The following KPNA5 variants were observed in gnomAD, a reference collection of about 807,000 sequenced individuals.
KPNA5 encodes the protein karyopherin subunit alpha 5.
A neutral mutation model predicts 71.3 loss-of-function variants in KPNA5; 46 were observed. That is an observed-to-expected ratio of 0.65 (90% CI 0.51 to 0.83). The LOEUF (loss-of-function observed/expected upper bound fraction) is 0.83, where lower values mean the gene tolerates loss of function less well. Ranked by LOEUF, KPNA5 falls within the 40% of genes least tolerant of loss-of-function variation. KPNA5 has a pLI of 0.00. For missense variants in KPNA5, 547 were observed against 628.3 expected (o/e 0.87, Z 1.38); for synonymous variants, 207 against 201.4 (o/e 1.03, Z -0.24).
At chr6:116,683,831 T>G (rs1333752457) in intron 1 of KPNA5, among the ~76,000 whole-genome samples, 14 of 150,080 alleles carry the variant, frequency 9.3e-5, no homozygotes, top group Non-Finnish European at 1.8e-4. Context: ...TCTCCTGACC[T>G]TGTGATCCAC....
Position 116,724,383 on chromosome 6 carries a change from C to T in KPNA5, c.999+8C>T. The T allele has an allele frequency of 3.1e-6, 5 of 1,589,412 alleles. No homozygotes were observed. The highest frequency in any genetic ancestry group is 4.3e-6 in the Non-Finnish European group (5 of 1,158,584). ...GATGATATTCAAACACAGGTGAGTTCAAACTTGAGTATCATAAATTGTTAA... is the reference window on the plus strand; with the variant it reads ...GATGATATTCAAACACAGGTGAGTTTAAACTTGAGTATCATAAATTGTTAA... On this transcript the variant is annotated splice_region_variant and intron_variant, in intron 10 of 13. Transcript: ENST00000368564.
Position 116,692,047 on chromosome 6 carries a change from T to C in KPNA5, c.139-8T>C. On this transcript the variant is annotated splice_polypyrimidine_tract_variant and splice_region_variant and intron_variant, in intron 2 of 13. Coordinates refer to ENST00000368564, the MANE Select transcript of KPNA5 (RefSeq NM_001366306.2). Reference sequence around the variant, plus strand: ...CTCAATGTGTAAACTGATTTCTCTTTATTACAGTTGTTCAAACGCAGAAAT... The same window carrying C: ...CTCAATGTGTAAACTGATTTCTCTTCATTACAGTTGTTCAAACGCAGAAAT... 3 of 1,579,500 alleles carry C rather than the reference T, an allele frequency of 1.9e-6. No individual in the cohort carries two copies. In the South Asian group the frequency reaches 3.3e-5, roughly 18 times the overall value.
chr6:116,716,362 C>G (rs887888230), intron 8 of KPNA5, 44 bp downstream of exon 8: 1 of 1,330,450 alleles, frequency 7.5e-7, no homozygotes, highest in Non-Finnish European at 1.1e-6. Flanking sequence ...TTCCATAAAC[C>G]TAAGTTTCTA....
Position 116,734,212 on chromosome 6 carries a change from C to T in KPNA5, c.*1889C>T, listed in dbSNP as rs1269541535. 6.6e-6 allele frequency: 1 copy of T among 151,668 alleles called. No individual in the cohort carries two copies. Among genetic ancestry groups the T allele is most frequent in the Non-Finnish European group, 1.5e-5 (1 of 67,690 alleles). The allele number at this position is 151,668 out of a possible 1,614,324, so 9.4% of individuals were successfully genotyped here. A position where few individuals can be genotyped will look rare whatever the true frequency, so the allele number is the denominator to read the frequency against. On this transcript the variant is annotated 3_prime_UTR_variant, in exon 14 of 14. Transcript: ENST00000368564. ...TCTAAGTATCAGGTGACAGGGTATT[C>T]TACTCTTTCTAGTCAATTAAAATTG...
At chr6:116,691,625 C>T (rs1777804550) in intron 2 of KPNA5, among the ~76,000 whole-genome samples, 1 of 152,082 alleles carries the variant, frequency 6.6e-6, no homozygotes, top group Non-Finnish European at 1.5e-5. Context: ...GTTTTCTATT[C>T]CTTGTTAATC....
intron 10 of KPNA5, among the ~76,000 whole-genome samples, 194 bp downstream of exon 10, chr6:116,724,569 G>C (rs528820759): frequency 4.7e-5 from 7 of 149,876 alleles, no homozygotes; most frequent in Non-Finnish European, 8.9e-5. Flanking sequence ...CCAGATTTGG[G>C]TTACAATCTT....
chr6:116,686,979 G>T (rs967424916), intron 1 of KPNA5, among the ~76,000 whole-genome samples: 1 of 152,078 alleles, frequency 6.6e-6, no homozygotes, highest in Non-Finnish European at 1.5e-5. Flanking sequence ...CTCCAACTTT[G>T]TTCTTTTTGC....
chr6:116,732,086 ATATATATATATATATATAT>A lies in KPNA5; in HGVS notation c.1433-49_1433-31del, dbSNP rs773410506. ...AGTAACAGTTTGTTTATATATATATATATATATATATATATATATATATATATATATATATACTTTGTAT... is the reference window on the plus strand; with the variant it reads ...AGTAACAGTTTGTTTATATATATATAATATATATATATATATACTTTGTAT... On this transcript the variant is annotated intron_variant, in intron 13 of 13. Transcript: ENST00000368564. 2.6e-3 allele frequency: 109 copies of A among 42,452 alleles called. 29 individuals carry two copies. Among genetic ancestry groups the A allele is most frequent in the Non-Finnish European group, 2.5e-4 (6 of 23,832 alleles). 2.6% of individuals were successfully genotyped at this position (42,452 alleles called of 1,614,324 possible).
chr6:116,706,341 A>G (rs141615801), intron 7 of KPNA5, among the ~76,000 whole-genome samples: 1 of 152,342 alleles, frequency 6.6e-6, no homozygotes, highest in African/African-American at 2.4e-5. Flanking sequence ...AAACCAAACT[A>G]AAAAATAAAA....
At chr6:116,707,442 T>G (rs533966042) in intron 7 of KPNA5, among the ~76,000 whole-genome samples, 5 of 152,272 alleles carry the variant, frequency 3.3e-5, no homozygotes, top group African/African-American at 1.2e-4. Context: ...AAAAGAACAA[T>G]AGTATACAAC....
chr6:116,714,000 A>T (rs1038709306), intron 7 of KPNA5, among the ~76,000 whole-genome samples: 1 of 152,150 alleles, frequency 6.6e-6, no homozygotes, highest in Non-Finnish European at 1.5e-5. Flanking sequence ...TTAGACAATG[A>T]ATTTAAAATC....
chr6:116,692,783 G>A (rs1193178956), intron 4 of KPNA5, among the ~76,000 whole-genome samples: 3 of 151,782 alleles, frequency 2.0e-5, no homozygotes, highest in East Asian at 1.9e-4. Flanking sequence ...TGTGCACAAC[G>A]TGCAGGTTTA....
In KPNA5 at chr6:116,739,629, T is replaced by A. The variant is rs1032734692; in HGVS notation, c.*7306T>A. ...TAAGGCGACAGTAACCAAAACAGCA[T>A]GGTACCAGTACCAAAACAGATATAG... On this transcript the variant is annotated 3_prime_UTR_variant, in exon 14 of 14. Transcript: ENST00000368564. 6 of 152,220 alleles carry A rather than the reference T, an allele frequency of 3.9e-5. No homozygotes were observed. Among genetic ancestry groups the A allele is most frequent in the Non-Finnish European group, 7.3e-5 (5 of 68,112 alleles). 9.4% of individuals were successfully genotyped at this position (152,220 alleles called of 1,614,324 possible).
intron 1 of KPNA5, among the ~76,000 whole-genome samples, chr6:116,687,771 T>C (rs1777647644): frequency 6.6e-6 from 1 of 152,222 alleles, no homozygotes; most frequent in African/African-American, 2.4e-5. Context: ...ACTGAATCAA[T>C]TTCAGAAATA....
rs1777339463 is a variant in KPNA5, at chr6:116,681,240, T to C, written c.-95T>C. On this transcript the variant is annotated 5_prime_UTR_variant, in exon 1 of 14. Transcript: ENST00000368564. ...TGGATTGCGAACTGGGTCGCTACGC[T>C]TCACGCCAGGGGCGGAGTGGCGGCC... 1 of 1,558,152 alleles carries C rather than the reference T, an allele frequency of 6.4e-7. No individual in the cohort carries two copies. The highest frequency in any genetic ancestry group is 1.8e-5 in the Admixed American group (1 of 56,676).
rs188510191 is a variant in KPNA5, at chr6:116,726,973, C to T, written c.1253+351C>T. Among the ~76,000 whole-genome samples, 11 of 152,052 alleles carry T rather than the reference C, an allele frequency of 7.2e-5. No homozygotes were observed. The East Asian group carries it at 2.1e-3, about 29-fold the overall frequency. ...GAAATGGCTAATAAATTTGAATATCCACTTACTTTAAATAAAATTGAAATA... is the reference window on the plus strand; with the variant it reads ...GAAATGGCTAATAAATTTGAATATCTACTTACTTTAAATAAAATTGAAATA... On this transcript the variant is annotated intron_variant, in intron 12 of 13. Transcript: ENST00000368564.
chr6:116,712,107 A>G (rs1778718616), intron 7 of KPNA5, among the ~76,000 whole-genome samples: 1 of 151,972 alleles, frequency 6.6e-6, no homozygotes, highest in Non-Finnish European at 1.5e-5. Flanking sequence ...ATGCCTAGCT[A>G]ATTTTTGTAT....
intron 1 of KPNA5, among the ~76,000 whole-genome samples, chr6:116,682,325 T>G (rs1017685551): frequency 3.3e-5 from 5 of 152,000 alleles, no homozygotes; most frequent in African/African-American, 1.2e-4. Flanking sequence ...AGACTCTGTC[T>G]CAAAAAACAA....
In KPNA5 at chr6:116,729,593, A is replaced by T. The variant is rs1779410888; in HGVS notation, c.1284A>T (p.Pro428=). The change falls in exon 13 of 14, where the codon CCA becomes CCT. Residue 428 remains proline, a synonymous_variant. Transcript: ENST00000368564. The part of the protein sequence containing the change: ...RYLVALGCIK[P]LCDLLTVMDS... ...TGGTAGCTTTAGGCTGCATTAAACCACTTTGTGATCTTTTGACTGTTATGG... is the reference window on the plus strand; with the variant it reads ...TGGTAGCTTTAGGCTGCATTAAACCTCTTTGTGATCTTTTGACTGTTATGG... 1 of 1,594,198 alleles carries T rather than the reference A, an allele frequency of 6.3e-7. No individual in the cohort carries two copies. Among genetic ancestry groups the T allele is most frequent in the Non-Finnish European group, 8.5e-7 (1 of 1,170,190 alleles).
Sources: allele counts gnomAD v4.1 joint callset (sites outside exome capture counted in the v4.1 genomes callset), GRCh38; gene constraint gnomAD v4.1.1; transcripts MANE v1.5; gene names NCBI Gene and HGNC (gene_info 2026-07-23, HGNC 2026-07-21).